Variants in SORCS1 observed in about 807,000 individuals in gnomAD.
SORCS1 encodes the protein VPS10 domain-containing receptor SorCS1.
Under a neutral mutation model 146.1 loss-of-function variants are expected in SORCS1, and 60 were observed. The observed-to-expected ratio is 0.41, with a 90% CI of 0.33 to 0.51. The LOEUF (loss-of-function observed/expected upper bound fraction) is 0.51, where lower values mean the gene tolerates loss of function less well. Ranked by LOEUF, SORCS1 falls within the 20% of genes least tolerant of loss-of-function variation. The pLI is 0.21. For missense variants in SORCS1, 1,352 were observed against 1,487.6 expected (o/e 0.91, Z 1.50); for synonymous variants, 637 against 584.0 (o/e 1.09, Z -1.31).
At chr10:106,607,402 G>A in intron 22 of SORCS1, 105 bp from the exon 23 acceptor site, 1 of 1,463,188 alleles carries the variant, frequency 6.8e-7, no homozygotes, top group Admixed American at 2.2e-5. Flanking sequence ...GACACCACAA[G>A]GGGCCTGAAA....
At position 106,576,557 on chromosome 10, in the gene SORCS1, A is replaced by C. The variant is rs1169948058; in HGVS notation, c.*863T>G. 6.6e-6 allele frequency: 1 copy of C among 152,136 alleles called. No homozygotes were observed. The highest frequency in any genetic ancestry group is 2.4e-5 in the African/African-American group (1 of 41,406). 9.4% of individuals were successfully genotyped at this position (152,136 alleles called of 1,614,324 possible). On this transcript the variant is annotated 3_prime_UTR_variant, in exon 26 of 26. Coordinates refer to ENST00000263054, the MANE Select transcript of SORCS1 (RefSeq NM_052918.5). The stretch of plus-strand genomic sequence containing the variant: ...TGCAAGGGGAGGCAATCATGGTGGA[A>C]AGAGGTGAACAGGAAACCAAGGTCC...
At chr10:106,857,679 C>A (rs1315284310) in intron 2 of SORCS1, among the ~76,000 whole-genome samples, 1 of 152,088 alleles carries the variant, frequency 6.6e-6, no homozygotes, top group Non-Finnish European at 1.5e-5. Context: ...GCGAGTGAGT[C>A]GACATTTAAA....
intron 10 of SORCS1, among the ~76,000 whole-genome samples, chr10:106,682,405 T>G (rs1191886756): frequency 1.3e-5 from 2 of 152,166 alleles, no homozygotes; most frequent in East Asian, 3.9e-4. Flanking sequence ...ATTCTGTGGC[T>G]TTTTTCTTTC....
chr10:106,946,473 G>A (rs1162334049), intron 2 of SORCS1, among the ~76,000 whole-genome samples: 3 of 152,174 alleles, frequency 2.0e-5, no homozygotes, highest in African/African-American at 4.8e-5. Flanking sequence ...TAAGTCTCAC[G>A]AGATCTGATG....
chr10:106,741,380 T>C (rs10884351), intron 5 of SORCS1, among the ~76,000 whole-genome samples: 34,127 of 152,034 alleles, frequency 0.22, 4,865 homozygotes, highest in East Asian at 0.47. Context: ...AGGTGGATTG[T>C]TTGAAGCCAG....
chr10:107,072,263 A>AG (rs1286795715), intron 1 of SORCS1, among the ~76,000 whole-genome samples: 6 of 152,232 alleles, frequency 3.9e-5, no homozygotes, highest in Non-Finnish European at 1.5e-5. Context: ...AAGGCTGCAG[A>AG]GGCCTCTCCA....
intron 1 of SORCS1, among the ~76,000 whole-genome samples, chr10:107,093,299 C>T (rs542959242): frequency 1.3e-5 from 2 of 152,286 alleles, no homozygotes; most frequent in South Asian, 4.1e-4. Flanking sequence ...GCTTCAATGT[C>T]TGAAATAGCA....
chr10:107,112,949 T>C (rs1965789902), intron 1 of SORCS1, among the ~76,000 whole-genome samples: 1 of 152,172 alleles, frequency 6.6e-6, no homozygotes, highest in Non-Finnish European at 1.5e-5. Context: ...GGATAGATCA[T>C]CCAGAGAGAA....
chr10:106,619,150 A>T (rs1317378853), intron 20 of SORCS1, among the ~76,000 whole-genome samples: 1 of 152,196 alleles, frequency 6.6e-6, no homozygotes, highest in Admixed American at 6.5e-5. Flanking sequence ...TAAAAAAAAT[A>T]AAAAACAATA....
At chr10:107,128,207 A>G (rs1266512267) in intron 1 of SORCS1, among the ~76,000 whole-genome samples, 1 of 152,242 alleles carries the variant, frequency 6.6e-6, no homozygotes, top group African/African-American at 2.4e-5. Flanking sequence ...CCAGATAAAC[A>G]TAAGCCCTTC....
At chr10:106,807,367 C>T (rs976796575) in intron 3 of SORCS1, among the ~76,000 whole-genome samples, 2 of 152,206 alleles carry the variant, frequency 1.3e-5, no homozygotes, top group African/African-American at 4.8e-5. Flanking sequence ...GCATTTAAGA[C>T]ATGATAAAAT....
chr10:107,157,695 G>A (rs1032965736), intron 1 of SORCS1, among the ~76,000 whole-genome samples: 1 of 152,184 alleles, frequency 6.6e-6, no homozygotes, highest in Non-Finnish European at 1.5e-5. Flanking sequence ...GATAAGCTCT[G>A]TTCTTTCATT....
intron 1 of SORCS1, among the ~76,000 whole-genome samples, chr10:107,112,640 A>C (rs1430356687): frequency 9.2e-5 from 14 of 152,154 alleles, no homozygotes; most frequent in Admixed American, 9.2e-4. Flanking sequence ...AAATAGACTC[A>C]CTTAAGCCTT....
At chr10:107,149,374 T>A (rs2134798333) in intron 1 of SORCS1, among the ~76,000 whole-genome samples, 1 of 151,432 alleles carries the variant, frequency 6.6e-6, no homozygotes, top group Admixed American at 6.5e-5. Flanking sequence ...TTCTTACTGC[T>A]GTAAAAAAAA....
chr10:106,866,923 G>A (rs1191897337), intron 2 of SORCS1, among the ~76,000 whole-genome samples: 3 of 152,176 alleles, frequency 2.0e-5, no homozygotes, highest in Non-Finnish European at 4.4e-5. Context: ...AAAGCCTCTC[G>A]TAACTCAAGT....
chr10:107,164,779 C>A (rs1199237312), upstream of SORCS1, among the ~76,000 whole-genome samples: 1 of 148,646 alleles, frequency 6.7e-6, no homozygotes, highest in Non-Finnish European at 1.5e-5. This position sits in a 1 kb window ranked among gnomAD's most constrained non-coding sequence, Gnocchi z 6.8. Flanking sequence ...ACTGGCGGAG[C>A]GGGCGCGGGC....
intron 1 of SORCS1, among the ~76,000 whole-genome samples, chr10:107,081,330 T>C (rs1178298460): frequency 6.6e-6 from 1 of 152,228 alleles, no homozygotes; most frequent in East Asian, 1.9e-4. Context: ...CATGAATTTC[T>C]TCACAGGGAA....
chr10:107,073,833 A>G (rs921501261), intron 1 of SORCS1, among the ~76,000 whole-genome samples: 1 of 152,198 alleles, frequency 6.6e-6, no homozygotes, highest in Admixed American at 6.5e-5. Flanking sequence ...AAAGCAAAGA[A>G]GGTTACTTTC....
chr10:107,042,978 T>G (rs564546950), intron 1 of SORCS1, among the ~76,000 whole-genome samples: 1 of 152,304 alleles, frequency 6.6e-6, no homozygotes, highest in African/African-American at 2.4e-5. Flanking sequence ...AGAATAAATT[T>G]ATTTGTTAAG....
Sources: gnomAD v4.1 joint callset for allele counts (sites outside exome capture counted in the v4.1 genomes callset) on GRCh38, gnomAD v4.1.1 for gene constraint, Gnocchi (gnomAD v3.1) non-coding constraint, MANE v1.5 for transcripts, NCBI Gene and HGNC (gene_info 2026-07-23, HGNC 2026-07-21) for gene names.